Variants in MYO10 observed in about 807,000 individuals in gnomAD.
The protein encoded by MYO10 is unconventional myosin-X.
MYO10 carries 133 observed loss-of-function variants against 257.3 expected under a neutral mutation model. The observed-to-expected ratio is 0.52, with a 90% CI of 0.45 to 0.60. MYO10 has a LOEUF of 0.60. MYO10 is among the 20% of genes least tolerant of loss of function. The pLI is 0.00. For missense variants in MYO10, 2,399 were observed against 2,635.7 expected (o/e 0.91, Z 1.97); for synonymous variants, 1,104 against 1,028.6 (o/e 1.07, Z -1.40).
intron 11 of MYO10, among the ~76,000 whole-genome samples, chr5:16,765,821 G>A (rs556563379): frequency 5.3e-5 from 8 of 152,282 alleles, no homozygotes; most frequent in Admixed American, 1.3e-4. Context: ...CAAGTTCAAA[G>A]TCAGGCAATC....
chr5:16,758,162 A>C lies in MYO10; in HGVS notation c.1804T>G (p.Cys602Gly). The C allele has an allele frequency of 6.2e-7, 1 of 1,613,780 alleles. No homozygotes were observed. Among genetic ancestry groups the C allele is most frequent in the Admixed American group, 1.7e-5 (1 of 60,016 alleles). Residue 602 changes from cysteine to glycine, a missense_variant, in exon 18 of 41, where the codon TGT becomes GGT. This residue lies in a region of MYO10 where 1,820 missense variants were observed against 1,939.4 expected (regional missense o/e 0.94). Transcript: ENST00000513610. ...SSRNNQDTLKCGSKHRRPTVS... is the reference protein window; with the variant it reads ...SSRNNQDTLKGGSKHRRPTVS... ...GTAGGCCGCCGATGTTTGCTTCCACATTTCAAGGTATCCTGGTTGTTGCGG... is the reference window on the plus strand; with the variant it reads ...GTAGGCCGCCGATGTTTGCTTCCACCTTTCAAGGTATCCTGGTTGTTGCGG...
At chr5:16,759,734 C>T (rs567854435) in intron 17 of MYO10, among the ~76,000 whole-genome samples, 13 of 152,266 alleles carry the variant, frequency 8.5e-5, no homozygotes, top group Admixed American at 2.6e-4. Context: ...TTAAACGTAT[C>T]GCATTAAACT....
intron 4 of MYO10, among the ~76,000 whole-genome samples, chr5:16,788,929 G>C (rs1465325854): frequency 6.6e-6 from 1 of 152,154 alleles, no homozygotes; most frequent in East Asian, 1.9e-4. Flanking sequence ...AGAGGTCAAA[G>C]AATCCAGGGC....
intron 19 of MYO10, among the ~76,000 whole-genome samples, chr5:16,723,554 G>T (rs1739239537): frequency 6.6e-6 from 1 of 152,136 alleles, no homozygotes; most frequent in Admixed American, 6.5e-5. Flanking sequence ...CAATTTGGAA[G>T]ACAGTTTCTT....
intron 21 of MYO10, among the ~76,000 whole-genome samples, chr5:16,709,257 A>T (rs1463650096): frequency 1.3e-5 from 2 of 152,130 alleles, no homozygotes; most frequent in African/African-American, 2.4e-5. Context: ...TGGCTACAGG[A>T]GTGGAGAGTA....
intron 2 of MYO10, among the ~76,000 whole-genome samples, chr5:16,834,356 C>T (rs139717143): frequency 2.6e-4 from 40 of 152,236 alleles, no homozygotes; most frequent in Admixed American, 1.8e-3. Flanking sequence ...GTGATGAGGA[C>T]GTGGAACTGC....
intron 19 of MYO10, among the ~76,000 whole-genome samples, chr5:16,723,210 C>T (rs1739223187): frequency 6.6e-6 from 1 of 151,710 alleles, no homozygotes; most frequent in South Asian, 2.1e-4. Context: ...CAGTGAAACC[C>T]CGTCTCTACT....
intron 19 of MYO10, among the ~76,000 whole-genome samples, chr5:16,729,373 G>A (rs1024697134): frequency 6.6e-6 from 1 of 151,794 alleles, no homozygotes; most frequent in Admixed American, 6.6e-5. Context: ...TACCTAAATT[G>A]TACAACGATA....
intron 19 of MYO10, among the ~76,000 whole-genome samples, chr5:16,750,292 A>G (rs1273175506): frequency 1.3e-5 from 2 of 152,228 alleles, no homozygotes; most frequent in East Asian, 1.9e-4. Context: ...TGTTTATAGA[A>G]AAAGAAAAAA....
intron 19 of MYO10, among the ~76,000 whole-genome samples, chr5:16,734,805 C>CAA (rs10686505): frequency 1.8e-4 from 23 of 131,396 alleles, no homozygotes; most frequent in East Asian, 7.3e-4. Flanking sequence ...AACTCTGTCT[C>CAA]AAAAAAAAAA....
Position 16,778,759 on chromosome 5 carries a change from C to G in MYO10, c.930+786G>C, listed in dbSNP as rs183688231. Among the ~76,000 whole-genome samples, 780 of 145,456 alleles carry G rather than the reference C, an allele frequency of 5.4e-3. 7 individuals carry two copies. The highest frequency in any genetic ancestry group is 0.036 in the Middle Eastern group (10 of 278). Reference sequence around the variant, plus strand: ...AGGCTGGAGTGCAGTTGCGCGATCTCGGCTCACTGCAAGCTCCGCCTCCCG... The same window carrying G: ...AGGCTGGAGTGCAGTTGCGCGATCTGGGCTCACTGCAAGCTCCGCCTCCCG... On this transcript the variant is annotated intron_variant, in intron 9 of 40. Coordinates refer to ENST00000513610, the MANE Select transcript of MYO10 (RefSeq NM_012334.3).
In MYO10 at chr5:16,685,720, C is replaced by T; in HGVS notation, c.3990+18G>A. ...GCCCCTAGACGCCCCACCCCCATCCCACACAGTGCTCCCGTACCACAGCAT... is the reference window on the plus strand; with the variant it reads ...GCCCCTAGACGCCCCACCCCCATCCTACACAGTGCTCCCGTACCACAGCAT... On this transcript the variant is annotated intron_variant, in intron 29 of 40. Transcript: ENST00000513610. 6.3e-7 allele frequency: 1 copy of T among 1,574,898 alleles called. No homozygotes were observed. The highest frequency in any genetic ancestry group is 8.6e-7 in the Non-Finnish European group (1 of 1,158,788).
intron 1 of MYO10, among the ~76,000 whole-genome samples, chr5:16,929,053 C>T (rs1014209741): frequency 6.6e-6 from 1 of 151,198 alleles, no homozygotes; most frequent in African/African-American, 2.4e-5. Flanking sequence ...CCTGGGTTCA[C>T]GCCCTTCTCC....
At chr5:16,851,957 G>C (rs1259151912) in intron 2 of MYO10, among the ~76,000 whole-genome samples, 1 of 148,500 alleles carries the variant, frequency 6.7e-6, no homozygotes, top group Non-Finnish European at 1.5e-5. Context: ...AGGCTGAGAC[G>C]GAAGAATCGC....
At chr5:16,801,375 T>G (rs1178715231) in intron 3 of MYO10, among the ~76,000 whole-genome samples, 1 of 151,974 alleles carries the variant, frequency 6.6e-6, no homozygotes, top group Non-Finnish European at 1.5e-5. Flanking sequence ...ACCTGGCTAA[T>G]TTTTGTATTT....
intron 1 of MYO10, among the ~76,000 whole-genome samples, chr5:16,891,612 G>A (rs528423604): frequency 1.3e-5 from 2 of 152,244 alleles, no homozygotes; most frequent in South Asian, 2.1e-4. Flanking sequence ...CTTTAAATGG[G>A]TGAATGTCAT....
At chr5:16,715,946 C>G (rs1190765799) in intron 19 of MYO10, among the ~76,000 whole-genome samples, 1 of 151,672 alleles carries the variant, frequency 6.6e-6, no homozygotes, top group Non-Finnish European at 1.5e-5. Context: ...GTCCCAGCTA[C>G]TTGGGAAGTT....
At chr5:16,818,352 G>C (rs1742689783) in intron 2 of MYO10, among the ~76,000 whole-genome samples, 185 bp from the exon 3 acceptor site, 1 of 140,912 alleles carries the variant, frequency 7.1e-6, no homozygotes, top group Admixed American at 7.5e-5. Flanking sequence ...CTCTCTCTGT[G>C]TGTGTATGTA....
At chr5:16,677,416 C>CTTTTTTTTTTTTTTTTTTTTTT (rs796474728) in intron 33 of MYO10, among the ~76,000 whole-genome samples, 13 of 119,374 alleles carry the variant, frequency 1.1e-4, no homozygotes, top group South Asian at 6.0e-4. Flanking sequence ...GTAACTTGAC[C>CTTTTTTTTTTTTTTTTTTTTTT]TTTTTTTTTT....
Sources: gnomAD v4.1 joint callset for allele counts (sites outside exome capture counted in the v4.1 genomes callset) on GRCh38, gnomAD v4.1.1 for gene constraint, gnomAD v4.1.1 regional missense constraint, MANE v1.5 for transcripts, NCBI Gene and HGNC (gene_info 2026-07-23, HGNC 2026-07-21) for gene names.